The following APBA1 variants were observed in gnomAD, a reference collection of about 807,000 sequenced individuals.
APBA1 encodes amyloid-beta A4 precursor protein-binding family A member 1.
In APBA1, 55 loss-of-function variants were observed where a neutral mutation model predicts 86.6. The ratio of observed to expected loss-of-function variants is 0.64; its 90% confidence interval spans 0.51 to 0.80. APBA1 has a LOEUF of 0.80. Among genes scored for constraint, APBA1 ranks in the 30% least tolerant of loss-of-function variants. The pLI, the probability that APBA1 is intolerant of heterozygous loss-of-function variation, is 0.00. For missense variants in APBA1, 1,090 were observed against 1,183.0 expected (o/e 0.92, Z 1.15); for synonymous variants, 511 against 493.9 (o/e 1.03, Z -0.46).
intron 1 of APBA1, among the ~76,000 whole-genome samples, chr9:69,636,857 G>GAAAA (rs1823177637): frequency 1.1e-5 from 1 of 91,284 alleles, no homozygotes; most frequent in Non-Finnish European, 2.3e-5. Flanking sequence ...GGGAGGGAGG[G>GAAAA]AGGGAGGGAG....
chr9:69,610,408 T>A (rs1822563469), intron 1 of APBA1, among the ~76,000 whole-genome samples: 1 of 152,192 alleles, frequency 6.6e-6, no homozygotes, highest in Non-Finnish European at 1.5e-5. Context: ...CCCTTTCTGG[T>A]ATACGAACAA....
Position 69,432,526 on chromosome 9 carries a change from C to T in APBA1, c.2442+10G>A, listed in dbSNP as rs1834620759. ...CCTCAGCACCACCCTCAGCCCCGGA[C>T]CTCTCCTACCTCCCCAACAGCATTG... On this transcript the variant is annotated intron_variant, in intron 12 of 12. Coordinates refer to ENST00000265381, the MANE Select transcript of APBA1 (RefSeq NM_001163.4). 1.3e-6 allele frequency: 2 copies of T among 1,528,736 alleles called. No individual in the cohort carries two copies. The highest frequency in any genetic ancestry group is 2.5e-5 in the East Asian group (1 of 40,328). The allele number at this position is 1,528,736 out of a possible 1,614,324, so 94.7% of individuals were successfully genotyped here.
chr9:69,473,210 C>G (rs1161116131), intron 3 of APBA1, among the ~76,000 whole-genome samples: 2 of 152,130 alleles, frequency 1.3e-5, no homozygotes, highest in African/African-American at 4.8e-5. Flanking sequence ...CAGTGCTTTA[C>G]GTTAATTTTA....
chr9:69,453,025 A>G (rs1835037930), intron 8 of APBA1, among the ~76,000 whole-genome samples: 1 of 152,202 alleles, frequency 6.6e-6, no homozygotes, highest in South Asian at 2.1e-4. Context: ...CCTACATCCA[A>G]GCTTAATCAA....
chr9:69,668,147 T>C (rs542615884), intron 1 of APBA1, among the ~76,000 whole-genome samples: 10 of 152,222 alleles, frequency 6.6e-5, no homozygotes, highest in Non-Finnish European at 1.3e-4. Flanking sequence ...TTATCAGTGA[T>C]TCCTGGGATA....
At chr9:69,657,606 T>C (rs1823637234) in intron 1 of APBA1, among the ~76,000 whole-genome samples, 1 of 152,234 alleles carries the variant, frequency 6.6e-6, no homozygotes, top group Non-Finnish European at 1.5e-5. Context: ...CTGACTAACA[T>C]AGCACTTTGC....
At position 69,449,706 on chromosome 9, in the gene APBA1, T is replaced by C. The variant is rs777222533; in HGVS notation, c.2059A>G (p.Asn687Asp). The change falls in exon 10 of 13, where the codon AAC (asparagine) becomes GAC (aspartate). Residue 687 changes from asparagine (N) to aspartate (D), a missense_variant. Coordinates refer to ENST00000265381, the MANE Select transcript of APBA1 (RefSeq NM_001163.4). ...GSILPTVIIA[N>D]MMHGGPAEKS... The stretch of plus-strand genomic sequence containing the variant: ...TCCGCAGGGCCACCATGCATCATGT[T>C]GGCAATGATCACGGTGGGGAGGATG... 1.2e-6 allele frequency: 2 copies of C among 1,614,038 alleles called. No individual in the cohort carries two copies. Among genetic ancestry groups the C allele is most frequent in the African/African-American group, 1.3e-5 (1 of 74,922 alleles).
At chr9:69,630,810 A>G (rs1823027162) in intron 1 of APBA1, among the ~76,000 whole-genome samples, 1 of 152,216 alleles carries the variant, frequency 6.6e-6, no homozygotes, top group Non-Finnish European at 1.5e-5. Context: ...TTCATGTGAA[A>G]AAAATACGTG....
chr9:69,530,756 A>T (rs115658713), intron 1 of APBA1, among the ~76,000 whole-genome samples: 34,239 of 151,966 alleles, frequency 0.23, 3,977 homozygotes, highest in African/African-American at 0.29. Context: ...TACTGAAGAC[A>T]GCATAGGGAA....
At chr9:69,602,582 A>G (rs1265224124) in intron 1 of APBA1, among the ~76,000 whole-genome samples, 1 of 151,874 alleles carries the variant, frequency 6.6e-6, no homozygotes, top group Non-Finnish European at 1.5e-5. Flanking sequence ...TTAAAAAAAA[A>G]GAAGAAGAAG....
At chr9:69,440,132 G>A (rs769902667) in intron 11 of APBA1, among the ~76,000 whole-genome samples, 11 of 152,182 alleles carry the variant, frequency 7.2e-5, no homozygotes, top group South Asian at 2.1e-4. Context: ...CTGCCTGATC[G>A]TTCCTCTGGA....
intron 4 of APBA1, among the ~76,000 whole-genome samples, chr9:69,470,706 G>A (rs1456160278): frequency 1.3e-5 from 2 of 152,192 alleles, no homozygotes; most frequent in Non-Finnish European, 1.5e-5. Flanking sequence ...CACACCCTCA[G>A]AGAGATGTCT....
chr9:69,604,096 A>T (rs1158626933), intron 1 of APBA1, among the ~76,000 whole-genome samples: 1 of 152,270 alleles, frequency 6.6e-6, no homozygotes, highest in Non-Finnish European at 1.5e-5. Context: ...GTGTATAGTG[A>T]GGACAAGTCT....
At chr9:69,555,558 T>C (rs1362777376) in intron 1 of APBA1, among the ~76,000 whole-genome samples, 1 of 152,200 alleles carries the variant, frequency 6.6e-6, no homozygotes, top group Non-Finnish European at 1.5e-5. Flanking sequence ...GAACCAGCCA[T>C]CTATCCTTCT....
intron 1 of APBA1, among the ~76,000 whole-genome samples, chr9:69,586,822 C>T (rs1822027907): frequency 6.6e-6 from 1 of 152,150 alleles, no homozygotes; most frequent in Non-Finnish European, 1.5e-5. Flanking sequence ...CAACTAACAA[C>T]CCCAAATAAG....
At chr9:69,520,887 C>T (rs1363810076) in intron 1 of APBA1, among the ~76,000 whole-genome samples, 1 of 152,172 alleles carries the variant, frequency 6.6e-6, no homozygotes, top group Non-Finnish European at 1.5e-5. Flanking sequence ...TCTGATTTAT[C>T]AGCCCCCTCC....
At chr9:69,433,875 A>T (rs970384992) in intron 11 of APBA1, among the ~76,000 whole-genome samples, 11 of 149,022 alleles carry the variant, frequency 7.4e-5, no homozygotes, top group Non-Finnish European at 1.6e-4. Flanking sequence ...GCAGTGGCAT[A>T]ATCTCTGCTC....
chr9:69,526,099 T>C (rs1039212504), intron 1 of APBA1, among the ~76,000 whole-genome samples: 1 of 152,050 alleles, frequency 6.6e-6, no homozygotes, highest in Non-Finnish European at 1.5e-5. Context: ...TACCAAACTA[T>C]AAGACTTCTA....
At chr9:69,431,915 T>C (rs368488899) in intron 12 of APBA1, among the ~76,000 whole-genome samples, 23 of 145,870 alleles carry the variant, frequency 1.6e-4, no homozygotes, top group Non-Finnish European at 3.4e-4. Context: ...CAGTGGTAAC[T>C]GACAGCAGTG....
Sources: allele counts gnomAD v4.1 joint callset (sites outside exome capture counted in the v4.1 genomes callset), GRCh38; gene constraint gnomAD v4.1.1; transcripts MANE v1.5; gene names NCBI Gene and HGNC (gene_info 2026-07-23, HGNC 2026-07-21).